Variants in ACTR3C observed in about 807,000 individuals in gnomAD.
ACTR3C encodes the protein actin-related protein 3C.
In ACTR3C, 18 loss-of-function variants were observed where a neutral mutation model predicts 26.3. The observed-to-expected ratio is 0.68, with a 90% CI of 0.47 to 1.01. ACTR3C has a LOEUF of 1.01. Ranked by LOEUF, ACTR3C falls within the 50% of genes least tolerant of loss-of-function variation. ACTR3C has a pLI of 0.00. For synonymous variants in ACTR3C, 55 were observed against 94.5 expected (o/e 0.58, Z 2.42); for missense variants, 184 against 250.7 (o/e 0.73, Z 1.80).
chr7:150,033,988 T>G, the ACTR3C span, among the ~76,000 whole-genome samples: 1 of 139,104 alleles, frequency 7.2e-6, no homozygotes, highest in Non-Finnish European at 1.5e-5. Context: ...AGTCCCCGCC[T>G]CGGGGGGATT....
At chr7:150,117,999 T>G in the ACTR3C span, among the ~76,000 whole-genome samples, 1 of 152,162 alleles carries the variant, frequency 6.6e-6, no homozygotes, top group African/African-American at 2.4e-5. Context: ...GGTGACTGAC[T>G]GTTAGAAGAA....
At chr7:150,277,073 A>G (rs1834944604) in intron 6 of ACTR3C, among the ~76,000 whole-genome samples, 1 of 152,210 alleles carries the variant, frequency 6.6e-6, no homozygotes, top group Non-Finnish European at 1.5e-5. Flanking sequence ...GATTTCCTCG[A>G]GAAGGAATTC....
the ACTR3C span, among the ~76,000 whole-genome samples, chr7:150,018,394 C>G: frequency 6.7e-6 from 1 of 149,152 alleles, no homozygotes; most frequent in Non-Finnish European, 1.5e-5. Flanking sequence ...TTGAGATACC[C>G]TCAATGTTTT....
At chr7:150,034,871 C>A in the ACTR3C span, among the ~76,000 whole-genome samples, 9 of 145,476 alleles carry the variant, frequency 6.2e-5, no homozygotes, top group South Asian at 8.8e-4. Flanking sequence ...GGAACAGGGG[C>A]TGGCTCTCAG....
At chr7:150,321,510 C>A (rs569557340) in intron 1 of ACTR3C, among the ~76,000 whole-genome samples, 1 of 152,112 alleles carries the variant, frequency 6.6e-6, no homozygotes, top group Non-Finnish European at 1.5e-5. Flanking sequence ...GAGGCCAAGG[C>A]GGGCAGATCA....
the ACTR3C span, among the ~76,000 whole-genome samples, chr7:149,897,877 C>CAA: frequency 3.4e-5 from 5 of 146,058 alleles, no homozygotes; most frequent in African/African-American, 1.3e-4. Flanking sequence ...GACTCCATCT[C>CAA]AAAAAAAAAA....
At chr7:149,923,531 A>C in the ACTR3C span, among the ~76,000 whole-genome samples, 1 of 152,206 alleles carries the variant, frequency 6.6e-6, no homozygotes, top group Non-Finnish European at 1.5e-5. Context: ...GATATGCTAA[A>C]TCAACAACTC....
At chr7:150,217,305 A>G in the ACTR3C span, among the ~76,000 whole-genome samples, 1 of 151,764 alleles carries the variant, frequency 6.6e-6, no homozygotes, top group South Asian at 2.1e-4. Context: ...CAGAGACTGA[A>G]GCACTGATAA....
At chr7:150,055,051 G>C in the ACTR3C span, among the ~76,000 whole-genome samples, 1 of 152,210 alleles carries the variant, frequency 6.6e-6, no homozygotes, top group Admixed American at 6.5e-5. Flanking sequence ...CCACTAGCTT[G>C]CAAATGTGTT....
At chr7:150,143,863 A>G in the ACTR3C span, among the ~76,000 whole-genome samples, 2 of 152,314 alleles carry the variant, frequency 1.3e-5, no homozygotes, top group South Asian at 2.1e-4. Context: ...GGGAGGCAAG[A>G]GGCCCCCTGT....
chr7:150,210,343 G>A, the ACTR3C span, among the ~76,000 whole-genome samples: 1 of 151,004 alleles, frequency 6.6e-6, no homozygotes, highest in Non-Finnish European at 1.5e-5. Flanking sequence ...TATGCCTACT[G>A]TATGATCTAG....
chr7:149,921,895 T>TA, the ACTR3C span, among the ~76,000 whole-genome samples: 1 of 151,342 alleles, frequency 6.6e-6, no homozygotes, highest in Non-Finnish European at 1.5e-5. Flanking sequence ...AAAAAAAAAA[T>TA]AAAATTCCAT....
At chr7:150,037,941 G>A in the ACTR3C span, among the ~76,000 whole-genome samples, 3 of 138,418 alleles carry the variant, frequency 2.2e-5, 1 homozygote, top group Non-Finnish European at 3.2e-5. Flanking sequence ...CCCCCCCTGC[G>A]ATGGCGGTGC....
chr7:150,041,631 G>T, the ACTR3C span, among the ~76,000 whole-genome samples: 1 of 122,854 alleles, frequency 8.1e-6, no homozygotes, highest in South Asian at 2.8e-4. Flanking sequence ...CCTCGCGGGG[G>T]GTGCCTCCCC....
the ACTR3C span, among the ~76,000 whole-genome samples, chr7:150,029,645 C>T: frequency 1.3e-5 from 2 of 151,882 alleles, no homozygotes; most frequent in African/African-American, 2.4e-5. Context: ...TGGAAAATAC[C>T]GAAATGGAAG....
the ACTR3C span, among the ~76,000 whole-genome samples, chr7:149,913,736 A>T: frequency 6.6e-6 from 1 of 150,598 alleles, no homozygotes; most frequent in African/African-American, 2.4e-5. Context: ...ACGCCACATG[A>T]AGTCACCTTT....
intron 6 of ACTR3C, among the ~76,000 whole-genome samples, chr7:150,265,693 A>C (rs915035682): frequency 1.3e-5 from 2 of 152,200 alleles, no homozygotes; most frequent in Non-Finnish European, 2.9e-5. Flanking sequence ...CAAAAACATA[A>C]AAATAAATAA....
At chr7:149,949,578 G>A in the ACTR3C span, among the ~76,000 whole-genome samples, 1 of 147,650 alleles carries the variant, frequency 6.8e-6, no homozygotes, top group South Asian at 2.1e-4. Context: ...AAAGATGGAC[G>A]AGAGAATGAG....
At chr7:150,089,688 C>G in the ACTR3C span, among the ~76,000 whole-genome samples, 1 of 152,220 alleles carries the variant, frequency 6.6e-6, no homozygotes, top group Non-Finnish European at 1.5e-5. Flanking sequence ...TGAATCCACT[C>G]TGGTGCCACT....
Sources: gnomAD v4.1 joint callset for allele counts (sites outside exome capture counted in the v4.1 genomes callset) on GRCh38, gnomAD v4.1.1 for gene constraint, MANE v1.5 for transcripts, NCBI Gene and HGNC (gene_info 2026-07-23, HGNC 2026-07-21) for gene names.